The following CDK5RAP2 variants were observed in gnomAD, a reference collection of about 807,000 sequenced individuals.
CDK5RAP2 encodes CDK5 regulatory subunit associated protein 2.
CDK5RAP2 carries 147 observed loss-of-function variants against 232.9 expected under a neutral mutation model. That is an observed-to-expected ratio of 0.63 (90% confidence interval 0.55 to 0.72). The LOEUF (loss-of-function observed/expected upper bound fraction) is 0.72. CDK5RAP2 is among the 30% of genes least tolerant of loss of function. The pLI, the probability that CDK5RAP2 is intolerant of heterozygous loss-of-function variation, is 0.00. For synonymous variants in CDK5RAP2, 833 were observed against 833.7 expected (o/e 1.00, Z 0.01); for missense variants, 2,195 against 2,231.5 (o/e 0.98, Z 0.33).
chr9:120,408,449 A>G lies in CDK5RAP2; in HGVS notation c.4624T>C (p.Leu1542=), dbSNP rs772102203. The change falls in exon 31 of 38, where the codon TTG becomes CTG. Residue 1542 remains leucine (L), a synonymous_variant. Transcript: ENST00000349780. The part of the protein sequence containing the change: ...ELSRVQEEVK[L]RQQLLSQNDK... ...TTCTGTGAGAGCAGCTGCTGCCTCA[A>G]CTTCACCTCCTCCTGCACCCTGAGA... 1 of 1,614,100 alleles carries G rather than the reference A, an allele frequency of 6.2e-7. No individual in the cohort carries two copies. The highest frequency in any genetic ancestry group is 1.7e-5 in the Admixed American group (1 of 60,026).
intron 32 of CDK5RAP2, 45 bp from the exon 33 acceptor site, chr9:120,404,158 G>A (rs757975167): frequency 3.0e-5 from 36 of 1,212,332 alleles, no homozygotes; most frequent in Non-Finnish European, 2.8e-5. Flanking sequence ...ACTGTTGTCA[G>A]CATTCAAGAG....
chr9:120,533,179 A>AT (rs1052721379), intron 7 of CDK5RAP2, among the ~76,000 whole-genome samples: 1 of 152,036 alleles, frequency 6.6e-6, no homozygotes, highest in African/African-American at 2.4e-5. Context: ...CACGACATAT[A>AT]TTTTTTTTAA....
intron 23 of CDK5RAP2, 82 bp downstream of exon 23, chr9:120,443,538 T>TA: frequency 6.9e-7 from 1 of 1,454,868 alleles, no homozygotes; most frequent in Non-Finnish European, 9.7e-7. Context: ...GCTATGGGCT[T>TA]AGTAATAATT....
chr9:120,528,373 A>T (rs142690311), intron 9 of CDK5RAP2, among the ~76,000 whole-genome samples: 4 of 152,180 alleles, frequency 2.6e-5, no homozygotes, highest in Non-Finnish European at 5.9e-5. Flanking sequence ...ATCAAACAGG[A>T]TAATGGATGT....
At position 120,549,258 on chromosome 9, in the gene CDK5RAP2, T is replaced by TAC. The variant is rs368761126; in HGVS notation, c.306+1532_306+1533dup. Among the ~76,000 whole-genome samples the TAC allele has an allele frequency of 2.5e-3, 378 of 152,156 alleles. 2 individuals carry two copies. Among genetic ancestry groups the TAC allele is most frequent in the African/African-American group, 8.1e-3 (336 of 41,500 alleles). Reference sequence around the variant, plus strand: ...TATGTAAAAAGAGGGTTTATACACATACACACACACAAACACACGCTTGCT... The same window carrying TAC: ...TATGTAAAAAGAGGGTTTATACACATACACACACACACAAACACACGCTTGCT... On this transcript the variant is annotated intron_variant, in intron 4 of 37. Transcript: ENST00000349780.
At chr9:120,451,341 AGG>A (rs1321063842) in intron 21 of CDK5RAP2, among the ~76,000 whole-genome samples, 1 of 152,202 alleles carries the variant, frequency 6.6e-6, no homozygotes. Flanking sequence ...GGCTCAAAGC[AGG>A]TAAGTGGCCA....
chr9:120,511,269 C>A (rs561453274), intron 12 of CDK5RAP2, among the ~76,000 whole-genome samples: 1 of 152,168 alleles, frequency 6.6e-6, no homozygotes, highest in Non-Finnish European at 1.5e-5. Context: ...AATTCAAGAA[C>A]GCTACAAAAA....
chr9:120,526,734 G>A (rs573773277), intron 10 of CDK5RAP2, among the ~76,000 whole-genome samples: 86 of 152,152 alleles, frequency 5.7e-4, no homozygotes, highest in Non-Finnish European at 6.3e-4. Flanking sequence ...AACCCCCACC[G>A]GCTGGCCACT....
chr9:120,519,255 G>A (rs1407363495), intron 11 of CDK5RAP2, among the ~76,000 whole-genome samples: 2 of 151,934 alleles, frequency 1.3e-5, no homozygotes, highest in Non-Finnish European at 2.9e-5. Flanking sequence ...TGGGACTATA[G>A]TTACTTTTTT....
At chr9:120,474,162 G>A (rs1488252233) in intron 15 of CDK5RAP2, among the ~76,000 whole-genome samples, 1 of 152,134 alleles carries the variant, frequency 6.6e-6, no homozygotes, top group African/African-American at 2.4e-5. Flanking sequence ...GAATAAATGA[G>A]ATATTACATG....
At chr9:120,540,857 T>C (rs932890793) in intron 5 of CDK5RAP2, among the ~76,000 whole-genome samples, 1 of 152,246 alleles carries the variant, frequency 6.6e-6, no homozygotes, top group Non-Finnish European at 1.5e-5. Flanking sequence ...CACTGGCTCC[T>C]GCTGAGCAGC....
chr9:120,389,073 C>T lies in CDK5RAP2; in HGVS notation c.*163G>A. 1 of 683,874 alleles carries T rather than the reference C, an allele frequency of 1.5e-6. No individual in the cohort carries two copies. Among genetic ancestry groups the T allele is most frequent in the Non-Finnish European group, 2.5e-6 (1 of 396,272 alleles). The allele number at this position is 683,874 out of a possible 1,614,324, so 42.4% of individuals were successfully genotyped here. On this transcript the variant is annotated 3_prime_UTR_variant, in exon 38 of 38. Coordinates refer to ENST00000349780, the MANE Select transcript of CDK5RAP2 (RefSeq NM_018249.6). ...TGGAGCACCTGCACCTTTCTGACAACAACTCTCAAGCCAACTTTCAGAGAG... is the reference window on the plus strand; with the variant it reads ...TGGAGCACCTGCACCTTTCTGACAATAACTCTCAAGCCAACTTTCAGAGAG...
rs1391246389 is a variant in CDK5RAP2 at position 120,540,364 on chromosome 9, CTACTT to C, written c.384-1205_384-1201del. The stretch of plus-strand genomic sequence containing the variant: ...CTATTCACCACCAGCTTCCCATGCC[CTACTT>C]TAAAGATACATAAAATTTTTCCAAC... On this transcript the variant is annotated intron_variant, in intron 5 of 37. Transcript: ENST00000349780. Among the ~76,000 whole-genome samples the C allele has an allele frequency of 2.0e-5, 3 of 152,252 alleles. No individual in the cohort carries two copies. The East Asian group carries it at 5.8e-4, about 29-fold the overall frequency.
At chr9:120,481,003 T>C (rs953417003) in intron 14 of CDK5RAP2, among the ~76,000 whole-genome samples, 1 of 152,180 alleles carries the variant, frequency 6.6e-6, no homozygotes, top group Non-Finnish European at 1.5e-5. Context: ...CCAGAGGACC[T>C]CAGAGAAGAG....
intron 20 of CDK5RAP2, among the ~76,000 whole-genome samples, chr9:120,456,262 T>C (rs1588388039): frequency 6.6e-6 from 1 of 152,194 alleles, no homozygotes; most frequent in African/African-American, 2.4e-5. Flanking sequence ...AGGTCCTCAT[T>C]GGTGTTAGTT....
intron 28 of CDK5RAP2, among the ~76,000 whole-genome samples, chr9:120,413,262 A>AG (rs1327768073): frequency 6.6e-6 from 1 of 152,230 alleles, no homozygotes; most frequent in Non-Finnish European, 1.5e-5. Context: ...CGATGCTAGG[A>AG]GGCCATTCTT....
chr9:120,510,488 A>G (rs1403456927), intron 12 of CDK5RAP2, among the ~76,000 whole-genome samples: 1 of 152,212 alleles, frequency 6.6e-6, no homozygotes, highest in Non-Finnish European at 1.5e-5. Flanking sequence ...CCTGAGTAGA[A>G]TACCAAGCGC....
At chr9:120,456,647 T>C (rs73660253) in intron 20 of CDK5RAP2, among the ~76,000 whole-genome samples, 4,555 of 152,296 alleles carry the variant, frequency 0.03, 83 homozygotes, top group East Asian at 0.041. Flanking sequence ...ACTTTTAAAA[T>C]ATTTCTGGCA....
intron 13 of CDK5RAP2, among the ~76,000 whole-genome samples, chr9:120,490,218 G>A (rs1368865626): frequency 6.6e-6 from 1 of 152,218 alleles, no homozygotes; most frequent in East Asian, 1.9e-4. Context: ...CCTGTCAAAG[G>A]TGGCCTCACA....
Sources: allele counts gnomAD v4.1 joint callset (sites outside exome capture counted in the v4.1 genomes callset), GRCh38; gene constraint gnomAD v4.1.1; transcripts MANE v1.5; gene names NCBI Gene and HGNC (gene_info 2026-07-23, HGNC 2026-07-21).